Variants in OSTN observed in about 807,000 individuals in gnomAD.
The protein encoded by OSTN is osteocrin.
Under a neutral mutation model 12.0 loss-of-function variants are expected in OSTN, and 9 were observed. The ratio of observed to expected loss-of-function variants is 0.75; its 90% CI spans 0.45 to 1.30. The LOEUF is 1.30. Ranked by LOEUF, OSTN falls within the 50% of genes most tolerant of loss-of-function variation. The pLI, the probability that OSTN is intolerant of heterozygous loss-of-function variation, is 0.00. For synonymous variants in OSTN, 59 were observed against 56.9 expected (o/e 1.04, Z -0.16); for missense variants, 148 against 152.3 (o/e 0.97, Z 0.15).
intron 3 of OSTN, among the ~76,000 whole-genome samples, chr3:191,232,691 C>A (rs778355937): frequency 3.4e-5 from 5 of 147,812 alleles, no homozygotes; most frequent in Admixed American, 6.7e-5. Context: ...CCCTCCACCT[C>A]CCAGTTTCAA....
At chr3:191,259,202 T>A (rs1225342841) in intron 4 of OSTN, among the ~76,000 whole-genome samples, 2 of 98,252 alleles carry the variant, frequency 2.0e-5, no homozygotes, top group African/African-American at 3.1e-5. Context: ...AACAATCTGT[T>A]TTTTTTTTTT....
At chr3:191,238,441 A>G (rs1235549410) in intron 3 of OSTN, among the ~76,000 whole-genome samples, 1 of 152,214 alleles carries the variant, frequency 6.6e-6, no homozygotes, top group Non-Finnish European at 1.5e-5. Flanking sequence ...AAGAGGAAGT[A>G]GAGGGAAAAG....
At chr3:191,230,066 C>CAATAAATAAATA (rs71937483) in intron 3 of OSTN, among the ~76,000 whole-genome samples, 7,704 of 146,074 alleles carry the variant, frequency 0.053, 754 homozygotes, top group African/African-American at 0.19. Context: ...GACTCAGTCT[C>CAATAAATAAATA]AATAAATAAA....
chr3:191,205,380 A>AT (rs1482942532), intron 1 of OSTN, among the ~76,000 whole-genome samples: 5 of 151,586 alleles, frequency 3.3e-5, no homozygotes, highest in Non-Finnish European at 5.9e-5. Flanking sequence ...GAGTTTGAAT[A>AT]TTTTTTTGAA....
chr3:191,248,204 A>G (rs903365871), intron 3 of OSTN, among the ~76,000 whole-genome samples: 35 of 151,926 alleles, frequency 2.3e-4, no homozygotes, highest in Admixed American at 3.9e-4. Flanking sequence ...GTAGTCAAGG[A>G]AAAAAAATGA....
intron 2 of OSTN, among the ~76,000 whole-genome samples, chr3:191,213,912 T>C (rs1044606149): frequency 1.3e-5 from 2 of 152,164 alleles, no homozygotes; most frequent in Non-Finnish European, 2.9e-5. Flanking sequence ...GTAGGGTTTC[T>C]TTCTGGTCAT....
intron 3 of OSTN, among the ~76,000 whole-genome samples, chr3:191,232,191 C>T (rs1157963736): frequency 6.6e-6 from 1 of 151,192 alleles, no homozygotes; most frequent in East Asian, 1.9e-4. Context: ...ATCAGCCAGG[C>T]GTGGTGGCAC....
At chr3:191,250,872 C>T (rs1301509698) in intron 4 of OSTN, among the ~76,000 whole-genome samples, 4 of 152,080 alleles carry the variant, frequency 2.6e-5, no homozygotes, top group Non-Finnish European at 4.4e-5. Context: ...CATTTTATTT[C>T]ATAAAGCAAT....
At chr3:191,240,957 A>C (rs1278605940) in intron 3 of OSTN, among the ~76,000 whole-genome samples, 1 of 152,200 alleles carries the variant, frequency 6.6e-6, no homozygotes, top group Non-Finnish European at 1.5e-5. Flanking sequence ...GCCCTATTCA[A>C]TGTGGAAGGA....
At chr3:191,212,866 TC>T (rs1714498711) in intron 2 of OSTN, among the ~76,000 whole-genome samples, 1 of 121,278 alleles carries the variant, frequency 8.2e-6, no homozygotes. Flanking sequence ...TTCTTTTCTT[TC>T]TTTTTTTTTT....
chr3:191,232,059 G>C (rs930312692), intron 3 of OSTN, among the ~76,000 whole-genome samples: 1 of 151,836 alleles, frequency 6.6e-6, no homozygotes, highest in Non-Finnish European at 1.5e-5. Flanking sequence ...GGCTGGGTGC[G>C]GTGGCTCATG....
chr3:191,229,658 C>T (rs964780691), intron 3 of OSTN: 1 of 151,658 alleles, frequency 6.6e-6, no homozygotes, highest in Non-Finnish European at 1.5e-5. Flanking sequence ...CATAATAAGG[C>T]CAAGAAAATG....
intron 3 of OSTN, among the ~76,000 whole-genome samples, chr3:191,223,394 A>G (rs1430314569): frequency 6.6e-6 from 1 of 152,238 alleles, no homozygotes. Flanking sequence ...ATTAGGTGTG[A>G]GCATTAACTT....
intron 3 of OSTN, among the ~76,000 whole-genome samples, chr3:191,223,741 TTCTC>T (rs1039432554): frequency 1.3e-4 from 19 of 151,948 alleles, no homozygotes; most frequent in African/African-American, 4.6e-4. Flanking sequence ...AAACTAAAAT[TTCTC>T]TATGAAAAAA....
intron 2 of OSTN, among the ~76,000 whole-genome samples, chr3:191,215,162 G>A (rs1175268608): frequency 6.6e-6 from 1 of 152,192 alleles, no homozygotes; most frequent in Admixed American, 6.5e-5. Flanking sequence ...TCTTCACAAG[G>A]TGGCGGGAAG....
At chr3:191,237,621 T>A (rs1410623434) in intron 3 of OSTN, among the ~76,000 whole-genome samples, 1 of 152,206 alleles carries the variant, frequency 6.6e-6, no homozygotes, top group South Asian at 2.1e-4. Flanking sequence ...TAGAAGGTCA[T>A]GTACCAGTTA....
chr3:191,203,353 A>C (rs1412801375), intron 1 of OSTN, among the ~76,000 whole-genome samples: 1 of 152,200 alleles, frequency 6.6e-6, no homozygotes, highest in Non-Finnish European at 1.5e-5. Context: ...AAACATCCAG[A>C]TCTGGGGGTT....
At chr3:191,233,924 G>A (rs1157439550) in intron 3 of OSTN, among the ~76,000 whole-genome samples, 1 of 151,794 alleles carries the variant, frequency 6.6e-6, no homozygotes, top group East Asian at 2.0e-4. Flanking sequence ...CCCAGGAGGC[G>A]GAGGTTGCAG....
At chr3:191,237,230 T>C (rs1459304105) in intron 3 of OSTN, among the ~76,000 whole-genome samples, 1 of 152,252 alleles carries the variant, frequency 6.6e-6, no homozygotes, top group Non-Finnish European at 1.5e-5. Flanking sequence ...ATTAAAGTTC[T>C]GTGTGAATAA....
Sources: gnomAD v4.1 joint callset for allele counts (sites outside exome capture counted in the v4.1 genomes callset) on GRCh38, gnomAD v4.1.1 for gene constraint, MANE v1.5 for transcripts, NCBI Gene and HGNC (gene_info 2026-07-23, HGNC 2026-07-21) for gene names.